Variants in IRGM observed in about 807,000 individuals in gnomAD.
IRGM encodes the protein immunity related GTPase M, also known as immunity-related GTPase family M protein.
For missense variants in IRGM, 288 were observed against 219.9 expected (o/e 1.31, Z -1.96); for synonymous variants, 98 against 80.6 (o/e 1.22, Z -1.16).
chr5:150,865,726 A>G (rs571968771), intron 1 of IRGM, among the ~76,000 whole-genome samples: 1 of 152,220 alleles, frequency 6.6e-6, no homozygotes, highest in Non-Finnish European at 1.5e-5. Context: ...CTAAGGGTGT[A>G]TAAGAAGGAA....
chr5:150,877,994 A>G (rs1396554489), exon 2 of IRGM: 1 of 457,316 alleles, frequency 2.2e-6, no homozygotes, highest in Non-Finnish European at 4.4e-6. Flanking sequence ...CTAGAAACCA[A>G]CAAGTGTACC....
Position 150,886,406 on chromosome 5 carries a change from G to A in IRGM, c.*140+6760G>A, listed in dbSNP as rs143901067. ...CAAGTTTTGGTATCAGAATTATGCT[G>A]TTTTTATAGAATGAATTGGGGAGGA... is the stretch of plus-strand genomic sequence containing the variant. On this transcript the variant is annotated intron_variant and NMD_transcript_variant, in intron 3 of 3. Coordinates refer to the IRGM transcript ENST00000520549. Among the ~76,000 whole-genome samples the A allele has an allele frequency of 1.0e-3, 153 of 152,064 alleles. 1 individual carries two copies. Among genetic ancestry groups the A allele is most frequent in the African/African-American group, 3.5e-3 (147 of 41,516 alleles).
intron 2 of IRGM, among the ~76,000 whole-genome samples, chr5:150,878,464 T>TTCCTCTCTTCCAGCTCCTCC (rs756208369): frequency 1.7e-4 from 26 of 152,164 alleles, no homozygotes; most frequent in Non-Finnish European, 3.5e-4. Flanking sequence ...CCTTCCTCTC[T>TTCCTCTCTTCCAGCTCCTCC]TCCTCTCTTC....
chr5:150,851,974 A>C (rs990426577), downstream of IRGM, among the ~76,000 whole-genome samples: 3 of 152,228 alleles, frequency 2.0e-5, no homozygotes, highest in Non-Finnish European at 4.4e-5. Flanking sequence ...CATGATACAT[A>C]CAGTAACATT....
At chr5:150,881,449 C>T (rs926531481) in intron 3 of IRGM, among the ~76,000 whole-genome samples, 5 of 152,052 alleles carry the variant, frequency 3.3e-5, no homozygotes, top group African/African-American at 1.2e-4. Flanking sequence ...AGTTTATCAT[C>T]ACCAGACCTG....
chr5:150,868,171 G>C (rs914598422), intron 1 of IRGM, among the ~76,000 whole-genome samples: 21 of 152,108 alleles, frequency 1.4e-4, no homozygotes, highest in African/African-American at 4.8e-4. Context: ...TAAGTATCCA[G>C]TTTCATTCTT....
rs150022369 is a variant in IRGM at position 150,847,876 on chromosome 5, C to A, written c.-248C>A. The stretch of plus-strand genomic sequence containing the variant: ...GGAGTGCAATGGCGTGATCTCAGCT[C>A]ACTGCAATATCTGCGTCCAGGGTTC... On this transcript the variant is annotated 5_prime_UTR_variant, in exon 2 of 2. Coordinates refer to ENST00000522154, the MANE Select transcript of IRGM (RefSeq NM_001145805.2). 379 of 466,362 alleles carry A rather than the reference C, an allele frequency of 8.1e-4. 3 individuals are homozygous for A. Among genetic ancestry groups the A allele is most frequent in the African/African-American group, 6.8e-3 (349 of 51,282 alleles). The allele number at this position is 466,362 out of a possible 1,614,324, so 28.9% of individuals were successfully genotyped here. A position where few individuals can be genotyped will look rare whatever the true frequency, so the allele number is the denominator to read the frequency against.
At chr5:150,868,894 C>T (rs931284516) in intron 1 of IRGM, among the ~76,000 whole-genome samples, 2 of 152,060 alleles carry the variant, frequency 1.3e-5, no homozygotes, top group African/African-American at 4.8e-5. Flanking sequence ...TTGGATAAGT[C>T]TTTATGGTTC....
intron 3 of IRGM, chr5:150,896,494 C>T (rs771864193): frequency 9.3e-6 from 15 of 1,613,210 alleles, no homozygotes; most frequent in African/African-American, 2.7e-5. Context: ...TTTCTAAAAA[C>T]GTTTCCACAC....
rs376973308 is a variant in IRGM, at chr5:150,858,867, T to G, written c.158+10213T>G. 1.1e-4 allele frequency among the ~76,000 whole-genome samples: 16 copies of G among 152,368 alleles called. No individual in the cohort carries two copies. In the East Asian group the frequency reaches 1.9e-3, roughly 18 times the overall value. On this transcript the variant is annotated intron_variant and NMD_transcript_variant, in intron 1 of 3. Transcript: ENST00000520549. ...TTTCTAGATATACAATCATGCCATC[T>G]GCAAACAGGGATAATTTGACTTCCT... is the stretch of plus-strand genomic sequence containing the variant.
At chr5:150,882,968 C>T (rs1305157673) in intron 3 of IRGM, among the ~76,000 whole-genome samples, 1 of 151,912 alleles carries the variant, frequency 6.6e-6, no homozygotes, top group Admixed American at 6.6e-5. Flanking sequence ...CGTGTGTTCA[C>T]AAAACAAGAA....
chr5:150,883,517 A>G (rs1016988696), intron 3 of IRGM, among the ~76,000 whole-genome samples: 1 of 151,896 alleles, frequency 6.6e-6, no homozygotes, highest in African/African-American at 2.4e-5. Flanking sequence ...GACTAAGAAA[A>G]AAAGCAAGAA....
chr5:150,881,126 T>TAA (rs1754438951), intron 3 of IRGM, among the ~76,000 whole-genome samples: 11 of 123,396 alleles, frequency 8.9e-5, no homozygotes, highest in African/African-American at 3.2e-4. Flanking sequence ...AAACTCCATA[T>TAA]CAAAAAAAAA....
At chr5:150,880,806 C>T (rs1007528278) in intron 3 of IRGM, among the ~76,000 whole-genome samples, 2 of 152,102 alleles carry the variant, frequency 1.3e-5, no homozygotes, top group Non-Finnish European at 2.9e-5. Context: ...TTTGTGTTGT[C>T]CTTGATTTCA....
chr5:150,897,541 A>G (rs1215468701), intron 3 of IRGM: 1 of 155,940 alleles, frequency 6.4e-6, no homozygotes, highest in African/African-American at 2.4e-5. Context: ...AAGTTCTCCC[A>G]GAAAAGCTGT....
rs572800329 is a variant in IRGM, at chr5:150,869,848, C to T, written c.159-8132C>T. 3.3e-5 allele frequency among the ~76,000 whole-genome samples: 5 copies of T among 152,238 alleles called. No individual in the cohort carries two copies. The South Asian group carries it at 6.2e-4, about 19-fold the overall frequency. On this transcript the variant is annotated intron_variant and NMD_transcript_variant, in intron 1 of 3. Transcript: ENST00000520549. ...AACATTGAGTTCTTTGGCAACTTTT[C>T]GTATAGTTGTAAGAGGATCAGCTTT...
intron 3 of IRGM, among the ~76,000 whole-genome samples, chr5:150,899,484 A>G (rs946687832): frequency 6.6e-6 from 1 of 152,074 alleles, no homozygotes; most frequent in Non-Finnish European, 1.5e-5. Flanking sequence ...TCATTAATCT[A>G]ATCTCTTTAT....
At chr5:150,872,648 C>T (rs1754302204) in intron 1 of IRGM, among the ~76,000 whole-genome samples, 1 of 151,998 alleles carries the variant, frequency 6.6e-6, no homozygotes, top group Non-Finnish European at 1.5e-5. Flanking sequence ...TGATTAGGGC[C>T]CACTACACAG....
At chr5:150,849,788 GTAGAGACCGGGTTTCACCA>G (rs927305083), downstream of IRGM, among the ~76,000 whole-genome samples, 1 of 151,854 alleles carries the variant, frequency 6.6e-6, no homozygotes, top group Non-Finnish European at 1.5e-5. Context: ...TGTATTTTTA[GTAGAGACCGGGTTTCACCA>G]TGTTGGCCAG....
Sources: allele counts gnomAD v4.1 joint callset (sites outside exome capture counted in the v4.1 genomes callset), GRCh38; gene constraint gnomAD v4.1.1; transcripts MANE v1.5; gene names NCBI Gene and HGNC (gene_info 2026-07-23, HGNC 2026-07-21).